Variants in COG3 observed in about 807,000 individuals in gnomAD.
COG3 encodes the protein component of oligomeric golgi complex 3.
COG3 carries 32 observed loss-of-function variants against 114.1 expected under a neutral mutation model. The ratio of observed to expected loss-of-function variants is 0.28; its 90% CI spans 0.21 to 0.38. COG3 has a LOEUF of 0.38. Among genes scored for constraint, COG3 ranks in the 10% least tolerant of loss-of-function variants. The pLI is 1.00. For synonymous variants in COG3, 352 were observed against 365.7 expected, an observed-to-expected ratio of 0.96 and a Z score of 0.43; for missense variants, 813 against 973.2, an observed-to-expected ratio of 0.84 and a Z score of 2.19.
intron 1 of COG3, among the ~76,000 whole-genome samples, chr13:45,475,445 C>T (rs1885801395): frequency 6.6e-6 from 1 of 151,802 alleles, no homozygotes; most frequent in African/African-American, 2.4e-5. Context: ...CTCAAGTGAT[C>T]CACCCAACTC....
At chr13:45,483,099 T>TTA in intron 6 of COG3, 131 bp from the exon 7 acceptor site, 1 of 585,142 alleles carries the variant, frequency 1.7e-6, no homozygotes, top group East Asian at 3.1e-5. Context: ...TTCATGGAGT[T>TTA]TATGATCTTT....
At chr13:45,524,011 A>T (rs1452708380) in intron 19 of COG3, among the ~76,000 whole-genome samples, 1 of 152,188 alleles carries the variant, frequency 6.6e-6, no homozygotes, top group Non-Finnish European at 1.5e-5. Context: ...TTATACAGGT[A>T]GGCAGTATGA....
At chr13:45,501,240 T>G (rs1869492134) in intron 13 of COG3, among the ~76,000 whole-genome samples, 1 of 152,214 alleles carries the variant, frequency 6.6e-6, no homozygotes. Context: ...GGGCAAAGTA[T>G]CTATGTAAAT....
chr13:45,514,702 C>T (rs1305266529), intron 16 of COG3, among the ~76,000 whole-genome samples: 1 of 151,886 alleles, frequency 6.6e-6, no homozygotes, highest in Non-Finnish European at 1.5e-5. Context: ...GGCTGGAGTG[C>T]AGTGGCGTGA....
chr13:45,468,108 G>A (rs1206069241), intron 1 of COG3, among the ~76,000 whole-genome samples: 1 of 152,180 alleles, frequency 6.6e-6, no homozygotes. Flanking sequence ...TCTTTCTGTT[G>A]AATTTAGTAA....
chr13:45,520,242 C>T (rs957914798), intron 19 of COG3, among the ~76,000 whole-genome samples: 2 of 149,662 alleles, frequency 1.3e-5, no homozygotes, highest in African/African-American at 4.9e-5. Context: ...GAGTCAAGAT[C>T]ATCCTACTGC....
chr13:45,513,520 A>G lies in COG3; in HGVS notation c.1809+1666A>G, dbSNP rs957830533. On this transcript the variant is annotated intron_variant, in intron 16 of 22. Coordinates refer to ENST00000349995, the MANE Select transcript of COG3 (RefSeq NM_031431.4). Reference sequence around the variant, plus strand: ...TAAATTATATATATAATATATACATATAAATTATATATATAATATATACAT... The same window carrying G: ...TAAATTATATATATAATATATACATGTAAATTATATATATAATATATACAT... Among the ~76,000 whole-genome samples, 46 of 138,970 alleles carry G rather than the reference A, an allele frequency of 3.3e-4. 1 individual carries two copies. The highest frequency in any genetic ancestry group is 1.2e-3 in the African/African-American group (43 of 37,098). The allele number at this position is 138,970 out of a possible 152,430, so 91.2% of individuals were successfully genotyped here. A position where few individuals can be genotyped will look rare whatever the true frequency, so the allele number is the denominator to read the frequency against.
intron 1 of COG3, among the ~76,000 whole-genome samples, chr13:45,471,732 T>A (rs1312074313): frequency 6.6e-6 from 1 of 151,758 alleles, no homozygotes; most frequent in African/African-American, 2.4e-5. Context: ...CTTTTGTTTT[T>A]TTTTTGGTCT....
intron 20 of COG3, among the ~76,000 whole-genome samples, chr13:45,525,569 T>G (rs1209101771): frequency 8.3e-6 from 1 of 120,410 alleles, no homozygotes; most frequent in Non-Finnish European, 1.9e-5. Context: ...TTGGCAGATG[T>G]ATTTGAGATG....
At chr13:45,504,831 T>C (rs541266129) in intron 14 of COG3, among the ~76,000 whole-genome samples, 1 of 152,264 alleles carries the variant, frequency 6.6e-6, no homozygotes, top group Non-Finnish European at 1.5e-5. Flanking sequence ...TTGTGGCTAG[T>C]CTGAATGTGC....
chr13:45,525,634 G>GTTTTTTTTTTTTTTTTTTTTTTT (rs59577529), intron 20 of COG3, among the ~76,000 whole-genome samples: 13 of 56,632 alleles, frequency 2.3e-4, no homozygotes, highest in Non-Finnish European at 3.3e-4. Context: ...AGGGCTTTGG[G>GTTTTTTTTTTTTTTTTTTTTTTT]TTTTTTTTTT....
At chr13:45,523,941 G>T (rs1294092101) in intron 19 of COG3, among the ~76,000 whole-genome samples, 1 of 152,014 alleles carries the variant, frequency 6.6e-6, no homozygotes, top group African/African-American at 2.4e-5. Flanking sequence ...ATTTTTTAAA[G>T]TGCACCTCAA....
At chr13:45,503,659 G>A (rs951156425) in intron 14 of COG3, among the ~76,000 whole-genome samples, 2 of 152,178 alleles carry the variant, frequency 1.3e-5, no homozygotes, top group Non-Finnish European at 2.9e-5. Flanking sequence ...AAGAGTATGA[G>A]AGAGCCAGGT....
intron 8 of COG3, among the ~76,000 whole-genome samples, chr13:45,488,295 T>C (rs1314983451): frequency 6.6e-6 from 1 of 150,816 alleles, no homozygotes; most frequent in African/African-American, 2.5e-5. Flanking sequence ...TAGAAATAAG[T>C]TCTAGTGTTC....
Position 45,516,279 on chromosome 13 carries a change from G to A in COG3, c.1930+16G>A, listed in dbSNP as rs1464865793. 2 of 1,563,168 alleles carry A rather than the reference G, an allele frequency of 1.3e-6. No individual in the cohort carries two copies. Among genetic ancestry groups the A allele is most frequent in the Non-Finnish European group, 1.7e-6 (2 of 1,147,664 alleles). On this transcript the variant is annotated intron_variant, in intron 17 of 22. Transcript: ENST00000349995. ...AAAACTAGAGGTACTTTGCTGTCCT[G>A]GCTGGCACACTTGGGTGTGTTTGAT...
At chr13:45,528,670 C>G (rs1208627993) in intron 20 of COG3, among the ~76,000 whole-genome samples, 2 of 152,172 alleles carry the variant, frequency 1.3e-5, no homozygotes, top group Non-Finnish European at 2.9e-5. Context: ...TGAGATTGTA[C>G]TATACCCCTT....
At chr13:45,502,253 G>A (rs1433532584) in intron 13 of COG3, among the ~76,000 whole-genome samples, 1 of 152,118 alleles carries the variant, frequency 6.6e-6, no homozygotes, top group Admixed American at 6.5e-5. Flanking sequence ...AGGAGTATCA[G>A]TTTTTGTATT....
chr13:45,484,194 G>A (rs887101812), intron 7 of COG3, among the ~76,000 whole-genome samples: 4 of 151,956 alleles, frequency 2.6e-5, no homozygotes, highest in Admixed American at 6.5e-5. Context: ...CATTTTTACC[G>A]TTCACATTGT....
chr13:45,511,481 A>G (rs1021595218), intron 15 of COG3, among the ~76,000 whole-genome samples: 5 of 152,240 alleles, frequency 3.3e-5, no homozygotes, highest in African/African-American at 7.2e-5. Flanking sequence ...GGTCAGAACC[A>G]TGCCTGCCTA....
Sources: allele counts gnomAD v4.1 joint callset (sites outside exome capture counted in the v4.1 genomes callset), GRCh38; gene constraint gnomAD v4.1.1; transcripts MANE v1.5; gene names NCBI Gene and HGNC (gene_info 2026-07-23, HGNC 2026-07-21).